Variants in GBP2 observed in about 807,000 individuals in gnomAD.
The protein encoded by GBP2 is guanylate binding protein 2, also known as guanylate-binding protein 2.
Under a neutral mutation model 60.8 loss-of-function variants are expected in GBP2, and 54 were observed. The observed-to-expected ratio is 0.89, with a 90% CI of 0.71 to 1.11. The LOEUF is 1.11. Among genes scored for constraint, GBP2 ranks in the 50% most tolerant of loss-of-function variants. GBP2 has a pLI of 0.00. For synonymous variants in GBP2, 243 were observed against 256.5 expected (o/e 0.95, Z 0.50); for missense variants, 665 against 703.3 (o/e 0.95, Z 0.62).
Position 89,108,114 on chromosome 1 carries a change from C to T in GBP2, c.*61G>A. 1.2e-6 allele frequency: 1 copy of T among 838,718 alleles called. No individual in the cohort carries two copies. Among genetic ancestry groups the T allele is most frequent in the Non-Finnish European group, 2.0e-6 (1 of 500,818 alleles). 52.0% of individuals were successfully genotyped at this position (838,718 alleles called of 1,614,324 possible). The stretch of plus-strand genomic sequence containing the variant: ...GCAGTTGTTTGACACTCTGAAGTTG[C>T]TCATTCATGTTGTTTCTTGGGGAGA... On this transcript the variant is annotated 3_prime_UTR_variant, in exon 11 of 11. Transcript: ENST00000370466.
chr1:89,113,659 G>A lies in GBP2; in HGVS notation c.1149+357C>T, dbSNP rs560167257. Among the ~76,000 whole-genome samples the A allele has an allele frequency of 7.2e-5, 11 of 152,030 alleles. No individual in the cohort carries two copies. In the East Asian group the frequency reaches 2.1e-3, roughly 29 times the overall value. On this transcript the variant is annotated intron_variant, in intron 7 of 10. Coordinates refer to ENST00000370466, the MANE Select transcript of GBP2 (RefSeq NM_004120.5). The stretch of plus-strand genomic sequence containing the variant: ...GGCTCACATTTAAAAAAATTATTAG[G>A]GTTATTTAAAAATAATTTAGTCCCC...
rs550069048 is a variant in GBP2 at position 89,121,068 on chromosome 1, G to A, written c.318+75C>T. ...GGAGTAGGAGTGATTGTGCAAAGATGGTTATCGATCTGACCTGGTTTATGT... is the reference window on the plus strand; with the variant it reads ...GGAGTAGGAGTGATTGTGCAAAGATAGTTATCGATCTGACCTGGTTTATGT... On this transcript the variant is annotated intron_variant, in intron 3 of 10. Transcript: ENST00000370466. 2.7e-5 allele frequency: 31 copies of A among 1,135,616 alleles called. No homozygotes were observed. In the East Asian group the frequency reaches 7.8e-4, roughly 29 times the overall value. The allele number at this position is 1,135,616 out of a possible 1,614,324, so 70.3% of individuals were successfully genotyped here.
At position 89,121,866 on chromosome 1, in the gene GBP2, A is replaced by T. The variant is rs1467405181; in HGVS notation, c.101T>A (p.Ile34Asn). 1.2e-6 allele frequency: 2 copies of T among 1,613,988 alleles called. No homozygotes were observed. The highest frequency in any genetic ancestry group is 1.3e-5 in the African/African-American group (1 of 74,886). Residue 34 changes from isoleucine (I) to asparagine (N), a missense_variant, in exon 2 of 11, where the codon ATT becomes AAT. Coordinates refer to ENST00000370466, the MANE Select transcript of GBP2 (RefSeq NM_004120.5). ...CGCCACCACCACCACAGGCTGCGTAATTGCAGATAGGATCTTCAGAGCTTC... is the reference window on the plus strand; with the variant it reads ...CGCCACCACCACCACAGGCTGCGTATTTGCAGATAGGATCTTCAGAGCTTC... ...NPEALKILSA[I>N]TQPVVVVAIV... is the part of the protein sequence containing the mutation.
intron 1 of GBP2, among the ~76,000 whole-genome samples, chr1:89,123,476 G>C (rs888742000): frequency 6.6e-6 from 1 of 152,130 alleles, no homozygotes; most frequent in Non-Finnish European, 1.5e-5. Flanking sequence ...TTTTCTCTGA[G>C]TGTGTCATTA....
Position 89,114,173 on chromosome 1 carries a change from G to A in GBP2, c.992C>T (p.Ala331Val), listed in dbSNP as rs145938232. 2.5e-6 allele frequency: 4 copies of A among 1,614,082 alleles called. No individual in the cohort carries two copies. The highest frequency in any genetic ancestry group is 1.7e-6 in the Non-Finnish European group (2 of 1,180,056). Residue 331 changes from alanine (A) to valine (V), a missense_variant, in exon 7 of 11, where the codon GCC becomes GTC. Coordinates refer to ENST00000370466, the MANE Select transcript of GBP2 (RefSeq NM_004120.5). The stretch of plus-strand genomic sequence containing the variant: ...CTGGCCCATCTGCTGTTCATAGTGG[G>A]CAATAGCCTTTTCCACTGCGGCTGA... ...ENSAAVEKAI[A>V]HYEQQMGQKV...
chr1:89,107,930 T>C lies in GBP2; in HGVS notation c.*245A>G, dbSNP rs1681085724. ...GAGTCCTTGTGTATGATTTCAAATA[T>C]AGGATTTAGTTAAAGATCATATTAA... On this transcript the variant is annotated 3_prime_UTR_variant, in exon 11 of 11. Transcript: ENST00000370466. 3.0e-6 allele frequency: 1 copy of C among 334,226 alleles called. No homozygotes were observed. Among genetic ancestry groups the C allele is most frequent in the Non-Finnish European group, 5.5e-6 (1 of 180,758 alleles). 20.7% of individuals were successfully genotyped at this position (334,226 alleles called of 1,614,324 possible).
At position 89,107,217 on chromosome 1, in the gene GBP2, T is replaced by C. The variant is rs1407281150; in HGVS notation, c.*958A>G. Reference sequence around the variant, plus strand: ...TTTCAATCTGTCATTTTTTTTTTTTTAGTAAGTCATTTACCCTGAGTAGCT... The same window carrying C: ...TTTCAATCTGTCATTTTTTTTTTTTCAGTAAGTCATTTACCCTGAGTAGCT... On this transcript the variant is annotated 3_prime_UTR_variant, in exon 11 of 11. Transcript: ENST00000370466. Among the ~76,000 whole-genome samples the C allele has an allele frequency of 1.3e-5, 2 of 152,190 alleles. No homozygotes were observed. Among genetic ancestry groups the C allele is most frequent in the East Asian group, 3.9e-4 (2 of 5,182 alleles).
At chr1:89,112,711 G>C (rs1256882397) in intron 7 of GBP2, 27 bp from the exon 8 acceptor site, 1 of 1,567,532 alleles carries the variant, frequency 6.4e-7, no homozygotes, top group Non-Finnish European at 8.8e-7. Flanking sequence ...CAGCACAGAT[G>C]TTTCAGTAAA....
At position 89,107,909 on chromosome 1, in the gene GBP2, C is replaced by A; in HGVS notation, c.*266G>T. On this transcript the variant is annotated 3_prime_UTR_variant, in exon 11 of 11. Transcript: ENST00000370466. ...TAGTTACACAATATCTCTCTTGAGT[C>A]CTTGTGTATGATTTCAAATATAGGA... The A allele has an allele frequency of 3.3e-6, 1 of 301,376 alleles. No individual in the cohort carries two copies. Among genetic ancestry groups the A allele is most frequent in the Non-Finnish European group, 6.2e-6 (1 of 160,166 alleles). The allele number at this position is 301,376 out of a possible 1,614,324, so 18.7% of individuals were successfully genotyped here. A position where few individuals can be genotyped will look rare whatever the true frequency, so the allele number is the denominator to read the frequency against.
Position 89,121,150 on chromosome 1 carries a change from A to C in GBP2, c.311T>G (p.Ile104Arg), listed in dbSNP as rs201393649. The C allele has an allele frequency of 4.0e-5, 64 of 1,611,606 alleles. No homozygotes were observed. The highest frequency in any genetic ancestry group is 1.0e-5 in the Non-Finnish European group (12 of 1,178,836). ...VLLDTEGLGD[I>R]EKGDNENDSW... Reference sequence around the variant, plus strand: ...AATACTTATTTTTTTTACCTTCTCTATATCTCCCAGGCCCTCAGTGTCGAG... The same window carrying C: ...AATACTTATTTTTTTTACCTTCTCTCTATCTCCCAGGCCCTCAGTGTCGAG... Residue 104 changes from isoleucine to arginine, a missense_variant, in exon 3 of 11, where the codon ATA (isoleucine) becomes AGA (arginine). Physicochemically the swap from Ile to Arg is moderately conservative, Grantham distance 97. Coordinates refer to ENST00000370466, the MANE Select transcript of GBP2 (RefSeq NM_004120.5).
At chr1:89,115,217 C>G (rs1427353032) in intron 6 of GBP2, among the ~76,000 whole-genome samples, 1 of 152,168 alleles carries the variant, frequency 6.6e-6, no homozygotes, top group African/African-American at 2.4e-5. Flanking sequence ...CATATTCCCT[C>G]TATCAACAGG....
intron 1 of GBP2, among the ~76,000 whole-genome samples, chr1:89,123,283 T>G (rs1681446728): frequency 6.6e-6 from 1 of 152,230 alleles, no homozygotes; most frequent in Non-Finnish European, 1.5e-5. Flanking sequence ...TAGTCATTAC[T>G]TCTAGGCCCT....
At chr1:89,120,838 T>C (rs1462194790) in intron 3 of GBP2, among the ~76,000 whole-genome samples, 3 of 152,226 alleles carry the variant, frequency 2.0e-5, no homozygotes, top group Admixed American at 2.0e-4. Context: ...GTAAAACGTC[T>C]ACTGAAGTTT....
Position 89,117,322 on chromosome 1 carries a change from T to C in GBP2, c.626-88A>G, listed in dbSNP as rs1393511887. On this transcript the variant is annotated intron_variant, in intron 5 of 10. Transcript: ENST00000370466. ...AATTTTATAATTTTCACAAAGCCCATGTAAGGAGGAAATTTATTAGGAAGA... is the reference window on the plus strand; with the variant it reads ...AATTTTATAATTTTCACAAAGCCCACGTAAGGAGGAAATTTATTAGGAAGA... 4.2e-6 allele frequency: 5 copies of C among 1,189,584 alleles called. No individual in the cohort carries two copies. In the East Asian group the frequency reaches 1.0e-4, roughly 24 times the overall value. The allele number at this position is 1,189,584 out of a possible 1,614,324, so 73.7% of individuals were successfully genotyped here. A position where few individuals can be genotyped will look rare whatever the true frequency, so the allele number is the denominator to read the frequency against.
intron 3 of GBP2, 147 bp downstream of exon 3, chr1:89,120,995 AT>A (rs1010225001): frequency 1.5e-5 from 5 of 336,708 alleles, no homozygotes; most frequent in African/African-American, 1.1e-4. Context: ...TACCACACAA[AT>A]TTTAAGAAAT....
At chr1:89,124,909 T>G (rs1046497088) in intron 1 of GBP2, among the ~76,000 whole-genome samples, 1 of 152,216 alleles carries the variant, frequency 6.6e-6, no homozygotes, top group Non-Finnish European at 1.5e-5. Flanking sequence ...TTATTTCAGG[T>G]AATGAAGCCA....
intron 1 of GBP2, among the ~76,000 whole-genome samples, chr1:89,125,106 G>C (rs1482482680): frequency 6.6e-6 from 1 of 152,148 alleles, no homozygotes. Context: ...TTTTTGCCTT[G>C]AATGTCTCAA....
In GBP2 at chr1:89,125,890, A is replaced by C. The variant is rs193111285; in HGVS notation, c.-45T>G. The C allele has an allele frequency of 3.3e-5, 5 of 152,208 alleles. No individual in the cohort carries two copies. The highest frequency in any genetic ancestry group is 1.2e-4 in the African/African-American group (5 of 41,440). The allele number at this position is 152,208 out of a possible 1,614,324, so 9.4% of individuals were successfully genotyped here. A position where few individuals can be genotyped will look rare whatever the true frequency, so the allele number is the denominator to read the frequency against. On this transcript the variant is annotated 5_prime_UTR_variant, in exon 1 of 11. Coordinates refer to ENST00000370466, the MANE Select transcript of GBP2 (RefSeq NM_004120.5). ...AGATCAGAGATCCTTTAGCACTGGA[A>C]AGAAGGTTGTTCCAATGTGAAAGTC...
In GBP2 at chr1:89,117,637, C is replaced by T. The variant is rs1198835553; in HGVS notation, c.565G>A (p.Val189Ile). ...TLRDFTLELE[V>I]DGEPITADDY... ...TCAGCAGTGATGGGTTCTCCATCTACTTCCAGTTCCAGGGTGAAATCTCTG... is the reference window on the plus strand; with the variant it reads ...TCAGCAGTGATGGGTTCTCCATCTATTTCCAGTTCCAGGGTGAAATCTCTG... The change falls in exon 5 of 11, where the codon GTA becomes ATA. Residue 189 changes from valine (V) to isoleucine (I), a missense_variant. By Grantham distance (29) the Val-to-Ile change is conservative. Transcript: ENST00000370466. The T allele has an allele frequency of 6.2e-7, 1 of 1,614,124 alleles. No individual in the cohort carries two copies. Among genetic ancestry groups the T allele is most frequent in the East Asian group, 2.2e-5 (1 of 44,870 alleles).
Sources: allele counts gnomAD v4.1 joint callset (sites outside exome capture counted in the v4.1 genomes callset), GRCh38; gene constraint gnomAD v4.1.1; transcripts MANE v1.5; gene names NCBI Gene and HGNC (gene_info 2026-07-23, HGNC 2026-07-21).